The following PRKN variants were observed in gnomAD, a reference collection of about 807,000 sequenced individuals.
The protein encoded by PRKN is E3 ubiquitin-protein ligase parkin.
In PRKN, 56 loss-of-function variants were observed where a neutral mutation model predicts 59.5. That is an observed-to-expected ratio of 0.94 (90% CI 0.76 to 1.18). The LOEUF (loss-of-function observed/expected upper bound fraction) is 1.18. Ranked by LOEUF, PRKN falls within the 50% of genes most tolerant of loss-of-function variation. The pLI, the probability that PRKN is intolerant of heterozygous loss-of-function variation, is 0.00. For missense variants in PRKN, 657 were observed against 596.4 expected, an observed-to-expected ratio of 1.10 and a Z score of -1.06; for synonymous variants, 250 against 222.1, an observed-to-expected ratio of 1.13 and a Z score of -1.12.
At chr6:161,832,792 G>A (rs192489116) in intron 6 of PRKN, among the ~76,000 whole-genome samples, 11 of 152,120 alleles carry the variant, frequency 7.2e-5, no homozygotes, top group Admixed American at 7.2e-4. Context: ...CGGTCTGTCT[G>A]GAGAAAGCTT....
At chr6:162,189,468 C>A (rs1199489584) in intron 4 of PRKN, among the ~76,000 whole-genome samples, 2 of 150,390 alleles carry the variant, frequency 1.3e-5, no homozygotes, top group Non-Finnish European at 3.0e-5. Context: ...CATTCATTAT[C>A]ATAGTCATTG....
At chr6:162,323,305 G>GAA (rs58269796) in intron 2 of PRKN, among the ~76,000 whole-genome samples, 4 of 151,164 alleles carry the variant, frequency 2.6e-5, no homozygotes, top group South Asian at 2.1e-4. Flanking sequence ...ACCACTTATA[G>GAA]AAAAAAACAT....
chr6:162,086,875 T>C (rs1006938200), intron 4 of PRKN, among the ~76,000 whole-genome samples: 1 of 152,230 alleles, frequency 6.6e-6, no homozygotes, highest in African/African-American at 2.4e-5. Context: ...TCTACTGCCA[T>C]GCAGGCTCAC....
At chr6:162,574,853 G>T (rs7773363) in intron 1 of PRKN, among the ~76,000 whole-genome samples, 46,118 of 151,158 alleles carry the variant, frequency 0.31, 7,467 homozygotes, top group East Asian at 0.48. Flanking sequence ...AGGTCAAATG[G>T]ATTGGTTGTT....
At chr6:161,443,232 C>T (rs1340227938) in intron 9 of PRKN, among the ~76,000 whole-genome samples, 2 of 151,542 alleles carry the variant, frequency 1.3e-5, no homozygotes, top group Non-Finnish European at 2.9e-5. Flanking sequence ...ATTGCTTGAA[C>T]CTGGGAGGCA....
intron 1 of PRKN, among the ~76,000 whole-genome samples, chr6:162,599,216 G>C (rs570725189): frequency 6.6e-6 from 1 of 152,210 alleles, no homozygotes; most frequent in African/African-American, 2.4e-5. Context: ...TCCCCAGGCA[G>C]TTAAGAAACA....
chr6:162,164,883 C>T (rs890163601), intron 4 of PRKN, among the ~76,000 whole-genome samples: 3 of 148,806 alleles, frequency 2.0e-5, no homozygotes, highest in African/African-American at 7.6e-5. Flanking sequence ...AGAAACTAAA[C>T]ATTTTCCAGG....
chr6:162,419,892 A>G (rs1788864150), intron 2 of PRKN, among the ~76,000 whole-genome samples: 1 of 151,992 alleles, frequency 6.6e-6, no homozygotes, highest in Non-Finnish European at 1.5e-5. Flanking sequence ...ATTACTTACT[A>G]TCCTCCCTCC....
At chr6:161,900,820 T>C (rs990340222) in intron 6 of PRKN, among the ~76,000 whole-genome samples, 14 of 141,742 alleles carry the variant, frequency 9.9e-5, no homozygotes, top group African/African-American at 3.4e-4. Context: ...ATATGTAATA[T>C]ATATTATGTA....
chr6:161,771,588 G>A (rs1274167050), intron 7 of PRKN, among the ~76,000 whole-genome samples: 2 of 151,966 alleles, frequency 1.3e-5, no homozygotes, highest in African/African-American at 4.8e-5. Context: ...TCCAAGACTG[G>A]TGATGTCTAG....
intron 9 of PRKN, among the ~76,000 whole-genome samples, chr6:161,536,391 G>A (rs1168302147): frequency 6.6e-6 from 1 of 151,122 alleles, no homozygotes; most frequent in Non-Finnish European, 1.5e-5. Context: ...CCCGGAAAAT[G>A]AGGTCATTTC....
chr6:162,136,081 G>GAAA (rs1781553087), intron 4 of PRKN, among the ~76,000 whole-genome samples: 2 of 149,914 alleles, frequency 1.3e-5, no homozygotes, highest in South Asian at 4.2e-4. Context: ...CTAAATTTCT[G>GAAA]TTAAAACATA....
intron 6 of PRKN, among the ~76,000 whole-genome samples, chr6:161,963,777 C>A (rs575486406): frequency 6.6e-6 from 1 of 152,260 alleles, no homozygotes; most frequent in South Asian, 2.1e-4. Flanking sequence ...ACAGATTTTC[C>A]TTTAAGTCAG....
At chr6:162,603,894 G>C (rs544063239) in intron 1 of PRKN, among the ~76,000 whole-genome samples, 1 of 152,090 alleles carries the variant, frequency 6.6e-6, no homozygotes, top group Admixed American at 6.5e-5. Context: ...CCCACCAACA[G>C]ACTCAGATTT....
chr6:162,408,715 C>T (rs1788200149), intron 2 of PRKN, among the ~76,000 whole-genome samples: 1 of 152,020 alleles, frequency 6.6e-6, no homozygotes, highest in Non-Finnish European at 1.5e-5. Flanking sequence ...GGTAAAGATC[C>T]CATAGATTAC....
chr6:161,679,008 G>A (rs1454397249), intron 7 of PRKN, among the ~76,000 whole-genome samples: 2 of 152,108 alleles, frequency 1.3e-5, no homozygotes, highest in African/African-American at 4.8e-5. Context: ...ACACACACAC[G>A]CACATGCATG....
intron 7 of PRKN, among the ~76,000 whole-genome samples, chr6:161,757,505 T>A (rs1229044164): frequency 1.3e-5 from 2 of 151,968 alleles, no homozygotes; most frequent in Non-Finnish European, 1.5e-5. Flanking sequence ...TAACAGGCAC[T>A]TCACCAAAGA....
rs1183005392 is a variant in PRKN, at chr6:161,388,307, G to C, written c.1084-1430C>G. Among the ~76,000 whole-genome samples the C allele has an allele frequency of 6.6e-6, 1 of 152,222 alleles. No individual in the cohort carries two copies. The highest frequency in any genetic ancestry group is 1.9e-4 in the East Asian group (1 of 5,196). ...CACATGCTGAGTGGCTACAATCACA[G>C]CATACAATGTGTTCTAAACTTTAAG... On this transcript the variant is annotated intron_variant, in intron 9 of 11. Coordinates refer to ENST00000366898, the MANE Select transcript of PRKN (RefSeq NM_004562.3). This position sits in a 1 kb window ranked among gnomAD's most constrained non-coding sequence, Gnocchi z 4.3.
In PRKN at chr6:162,189,829, G is replaced by C. The variant is rs1412676709; in HGVS notation, c.534+11302C>G. 2.0e-5 allele frequency among the ~76,000 whole-genome samples: 3 copies of C among 147,128 alleles called. No homozygotes were observed. The East Asian group carries it at 5.9e-4, about 29-fold the overall frequency. ...TATCCTATTCAGAGACAAAGACAAA[G>C]AGCATGGTTCTCATTTGTTTGTAGC... is the stretch of plus-strand genomic sequence containing the variant. On this transcript the variant is annotated intron_variant, in intron 4 of 11. Transcript: ENST00000366898.
Sources: allele counts gnomAD v4.1 joint callset (sites outside exome capture counted in the v4.1 genomes callset), GRCh38; gene constraint gnomAD v4.1.1; non-coding constraint Gnocchi (gnomAD v3.1); transcripts MANE v1.5; gene names NCBI Gene and HGNC (gene_info 2026-07-23, HGNC 2026-07-21).